The following PHLPP2 variants were observed in gnomAD, a reference collection of about 807,000 sequenced individuals.
PHLPP2 encodes the protein PH domain leucine-rich repeat-containing protein phosphatase 2.
PHLPP2 carries 66 observed loss-of-function variants against 124.9 expected under a neutral mutation model. That is an observed-to-expected ratio of 0.53 (90% CI 0.43 to 0.65). The LOEUF (loss-of-function observed/expected upper bound fraction) is 0.65. Ranked by LOEUF, PHLPP2 falls within the 30% of genes least tolerant of loss-of-function variation. The pLI, the probability that PHLPP2 is intolerant of heterozygous loss-of-function variation, is 0.00. For synonymous variants in PHLPP2, 681 were observed against 624.7 expected, an observed-to-expected ratio of 1.09 and a Z score of -1.34; for missense variants, 1,685 against 1,600.4, an observed-to-expected ratio of 1.05 and a Z score of -0.90.
intron 1 of PHLPP2, among the ~76,000 whole-genome samples, chr16:71,717,768 G>T (rs2045372683): frequency 6.6e-6 from 1 of 152,028 alleles, no homozygotes. Context: ...TCTACTCAGT[G>T]GAGAAAAAAG....
intron 18 of PHLPP2, among the ~76,000 whole-genome samples, chr16:71,652,186 G>A (rs1348890114): frequency 6.6e-6 from 1 of 152,154 alleles, no homozygotes; most frequent in Non-Finnish European, 1.5e-5. Flanking sequence ...CAACAATACA[G>A]AAACAAACAA....
intron 11 of PHLPP2, among the ~76,000 whole-genome samples, chr16:71,667,687 A>G (rs143908464): frequency 6.6e-6 from 1 of 152,268 alleles, no homozygotes; most frequent in African/African-American, 2.4e-5. Flanking sequence ...GAATAAATTC[A>G]TAACATTTCA....
rs189025866 is a variant in PHLPP2 at position 71,646,702 on chromosome 16, A to G, written c.*2188T>C. 2 of 152,252 alleles carry G rather than the reference A, an allele frequency of 1.3e-5. No individual in the cohort carries two copies. Among genetic ancestry groups the G allele is most frequent in the African/African-American group, 4.8e-5 (2 of 41,544 alleles). The allele number at this position is 152,252 out of a possible 1,614,324, so 9.4% of individuals were successfully genotyped here. A position where few individuals can be genotyped will look rare whatever the true frequency, so the allele number is the denominator to read the frequency against. On this transcript the variant is annotated 3_prime_UTR_variant, in exon 19 of 19. Coordinates refer to ENST00000568954, the MANE Select transcript of PHLPP2 (RefSeq NM_015020.3). ...GTTATTTCATTTTCATTTTTTCTTC[A>G]TTAAAAAAAATTTCCCATATAAAAA... is the stretch of plus-strand genomic sequence containing the variant.
At chr16:71,679,991 G>A (rs1471569663) in intron 6 of PHLPP2, among the ~76,000 whole-genome samples, 3 of 152,068 alleles carry the variant, frequency 2.0e-5, no homozygotes, top group East Asian at 3.9e-4. Context: ...GCTGAGGGAG[G>A]AGAATGGCAT....
intron 11 of PHLPP2, among the ~76,000 whole-genome samples, 158 bp downstream of exon 11, chr16:71,669,117 C>T (rs548835992): frequency 1.3e-5 from 2 of 152,184 alleles, no homozygotes; most frequent in Non-Finnish European, 2.9e-5. Context: ...ATGCTTTAGC[C>T]TTTACTATGT....
At chr16:71,682,462 C>T (rs754372552) in intron 5 of PHLPP2, among the ~76,000 whole-genome samples, 36 of 151,808 alleles carry the variant, frequency 2.4e-4, no homozygotes, top group Middle Eastern at 3.2e-3. Context: ...GGATTACAGG[C>T]GTGAGTCACA....
At chr16:71,672,177 T>C in intron 10 of PHLPP2, 85 bp downstream of exon 10, 1 of 905,416 alleles carries the variant, frequency 1.1e-6, no homozygotes, top group South Asian at 1.4e-5. Context: ...ATACTTAGAT[T>C]TCTTGTACAT....
At chr16:71,668,612 A>C (rs1380615661) in intron 11 of PHLPP2, among the ~76,000 whole-genome samples, 1 of 151,788 alleles carries the variant, frequency 6.6e-6, no homozygotes, top group Non-Finnish European at 1.5e-5. Flanking sequence ...AAATACAAAA[A>C]TTAGCTGGGT....
rs1253447802 is a variant in PHLPP2, at chr16:71,672,302, A to G, written c.1492T>C (p.Tyr498His). 1 of 1,613,634 alleles carries G rather than the reference A, an allele frequency of 6.2e-7. No individual in the cohort carries two copies. Among genetic ancestry groups the G allele is most frequent in the Non-Finnish European group, 8.5e-7 (1 of 1,179,548 alleles). ...SSNRLTAVNV[Y>H]PVPSLLTFLD... is the part of the protein sequence containing the mutation. ...AAAGTGAGCAGGCTGGGTACTGGAT[A>G]GACGTTCACTGCTGTCAGCCCTAAT... The change falls in exon 10 of 19, where the codon TAT becomes CAT. Residue 498 changes from tyrosine (Y) to histidine (H), a missense_variant. Coordinates refer to ENST00000568954, the MANE Select transcript of PHLPP2 (RefSeq NM_015020.3).
At chr16:71,716,482 GGT>G in intron 1 of PHLPP2, among the ~76,000 whole-genome samples, 1 of 152,154 alleles carries the variant, frequency 6.6e-6, no homozygotes. Flanking sequence ...AATTTCTACA[GGT>G]AATATAACAA....
intron 3 of PHLPP2, among the ~76,000 whole-genome samples, chr16:71,693,884 A>T (rs575532065): frequency 6.6e-6 from 1 of 152,266 alleles, no homozygotes; most frequent in East Asian, 1.9e-4. Flanking sequence ...AGCAAAATAT[A>T]TCATATATGT....
chr16:71,667,449 AT>A, intron 11 of PHLPP2, 116 bp from the exon 12 acceptor site: 1 of 773,150 alleles, frequency 1.3e-6, no homozygotes, highest in South Asian at 2.0e-5. Flanking sequence ...ATTCTCCTAG[AT>A]TGTATACTCA....
chr16:71,671,045 T>G (rs1195615884), intron 10 of PHLPP2, among the ~76,000 whole-genome samples: 1 of 152,032 alleles, frequency 6.6e-6, no homozygotes, highest in East Asian at 1.9e-4. Context: ...AAAGAACCAA[T>G]AAGCTCCAGA....
At chr16:71,722,354 A>ATTCTCAAG (rs2145392583) in intron 1 of PHLPP2, among the ~76,000 whole-genome samples, 1 of 152,260 alleles carries the variant, frequency 6.6e-6, no homozygotes, top group East Asian at 1.9e-4. Flanking sequence ...GAATCGCTTG[A>ATTCTCAAG]ACCCTGGAGG....
intron 3 of PHLPP2, among the ~76,000 whole-genome samples, chr16:71,696,359 G>A (rs552320025): frequency 2.6e-5 from 4 of 152,186 alleles, no homozygotes; most frequent in African/African-American, 7.2e-5. Context: ...AAATGTGGCC[G>A]GGCGCAGTGG....
intron 1 of PHLPP2, among the ~76,000 whole-genome samples, chr16:71,720,667 C>T (rs955368600): frequency 1.3e-5 from 2 of 151,610 alleles, no homozygotes; most frequent in Non-Finnish European, 2.9e-5. Flanking sequence ...GACTTCAACA[C>T]CAGCCTGACC....
At chr16:71,693,922 G>GTAAAAATC (rs1287919251) in intron 3 of PHLPP2, among the ~76,000 whole-genome samples, 3 of 152,168 alleles carry the variant, frequency 2.0e-5, no homozygotes, top group African/African-American at 7.2e-5. Flanking sequence ...GCCAGGTGTA[G>GTAAAAATC]TGGCTTACAA....
At chr16:71,682,027 A>G (rs1426420178) in intron 5 of PHLPP2, 122 bp from the exon 6 acceptor site, 1 of 629,058 alleles carries the variant, frequency 1.6e-6, no homozygotes, top group Non-Finnish European at 2.6e-6. Context: ...AAAAGGCAAT[A>G]AGATCCAATT....
At chr16:71,681,932 T>G (rs1567620327) in intron 5 of PHLPP2, 27 bp from the exon 6 acceptor site, 1 of 1,563,464 alleles carries the variant, frequency 6.4e-7, no homozygotes, top group Admixed American at 1.8e-5. Context: ...AGAAGAGCCT[T>G]CTGAGCTAGT....
Sources: gnomAD v4.1 joint callset for allele counts (sites outside exome capture counted in the v4.1 genomes callset) on GRCh38, gnomAD v4.1.1 for gene constraint, MANE v1.5 for transcripts, NCBI Gene and HGNC (gene_info 2026-07-23, HGNC 2026-07-21) for gene names.